The following AIG1 variants were observed in gnomAD, a reference collection of about 807,000 sequenced individuals.
The protein encoded by AIG1 is androgen induced 1.
In AIG1, 23 loss-of-function variants were observed where a neutral mutation model predicts 31.4. The observed-to-expected ratio is 0.73, with a 90% CI of 0.53 to 1.04. The LOEUF is 1.04. Among genes scored for constraint, AIG1 ranks in the 50% least tolerant of loss-of-function variants. The probability of loss-of-function intolerance (pLI) is 0.00; values close to 1 mark genes in which losing one functional copy is unlikely to be tolerated. For synonymous variants in AIG1, 100 were observed against 110.5 expected, an observed-to-expected ratio of 0.90 and a Z score of 0.60; for missense variants, 274 against 295.0, an observed-to-expected ratio of 0.93 and a Z score of 0.52.
At chr6:143,113,835 C>T (rs529090880) in intron 1 of AIG1, among the ~76,000 whole-genome samples, 10 of 151,566 alleles carry the variant, frequency 6.6e-5, no homozygotes, top group South Asian at 2.1e-4. Context: ...AGTGCAGTGG[C>T]GTGATCTCGG....
At chr6:143,332,573 TG>T (rs1431031941) in intron 4 of AIG1, among the ~76,000 whole-genome samples, 1 of 152,224 alleles carries the variant, frequency 6.6e-6, no homozygotes, top group Non-Finnish European at 1.5e-5. Flanking sequence ...TGCTAGGGTA[TG>T]CATGGTTGTG....
chr6:143,085,085 A>G (rs1778640734), intron 1 of AIG1, among the ~76,000 whole-genome samples: 1 of 152,196 alleles, frequency 6.6e-6, no homozygotes, highest in Admixed American at 6.5e-5. Flanking sequence ...TAACCCTTGT[A>G]AAACATCAAT....
chr6:143,291,711 T>C lies in AIG1; in HGVS notation c.515+7486T>C, dbSNP rs577912204. 3.9e-5 allele frequency among the ~76,000 whole-genome samples: 6 copies of C among 152,090 alleles called. No homozygotes were observed. The highest frequency in any genetic ancestry group is 8.8e-5 in the Non-Finnish European group (6 of 68,020). Reference sequence around the variant, plus strand: ...CATGGAATAAATAAGTAAACCCCCCTCCCATTCAGGGTTCCAGCAATAAGC... The same window carrying C: ...CATGGAATAAATAAGTAAACCCCCCCCCCATTCAGGGTTCCAGCAATAAGC... On this transcript the variant is annotated intron_variant, in intron 4 of 5. Transcript: ENST00000357847. This position sits in a 1 kb window ranked among gnomAD's most constrained non-coding sequence, Gnocchi z 4.2.
upstream of AIG1, chr6:143,060,600 G>C (rs557886662): frequency 2.2e-6 from 1 of 447,054 alleles, no homozygotes; most frequent in Non-Finnish European, 4.7e-6. Context: ...CCTAGGGGGC[G>C]CCTCCTGGCC....
intron 3 of AIG1, among the ~76,000 whole-genome samples, chr6:143,272,257 A>G (rs756519148): frequency 2.8e-4 from 43 of 152,214 alleles, no homozygotes; most frequent in Admixed American, 7.2e-4. Flanking sequence ...TAGTCAGAAT[A>G]GGCTAACTTA....
At chr6:143,102,519 T>A (rs6906306) in intron 1 of AIG1, among the ~76,000 whole-genome samples, 3 of 147,130 alleles carry the variant, frequency 2.0e-5, no homozygotes, top group South Asian at 4.2e-4. Flanking sequence ...TAATATATAA[T>A]ATAATATGTA....
chr6:143,155,470 A>G (rs1366180252), intron 2 of AIG1, among the ~76,000 whole-genome samples: 1 of 152,054 alleles, frequency 6.6e-6, no homozygotes, highest in Non-Finnish European at 1.5e-5. Context: ...GGAAGGGAGC[A>G]ACATTGATGG....
rs1484594201 is a variant in AIG1 at position 143,287,656 on chromosome 6, G to C, written c.515+3431G>C. Among the ~76,000 whole-genome samples, 10 of 142,164 alleles carry C rather than the reference G, an allele frequency of 7.0e-5. No individual in the cohort carries two copies. In the East Asian group the frequency reaches 2.1e-3, roughly 30 times the overall value. 93.3% of individuals were successfully genotyped at this position (142,164 alleles called of 152,430 possible). ...CTTTAGCTTAATCAGAAGTAAAACA[G>C]AGAGGAGGACAGAATGTACCCCATA... is the stretch of plus-strand genomic sequence containing the variant. On this transcript the variant is annotated intron_variant, in intron 4 of 5. Coordinates refer to ENST00000357847, the MANE Select transcript of AIG1 (RefSeq NM_016108.4).
At chr6:143,209,326 G>C (rs12204939) in intron 3 of AIG1, among the ~76,000 whole-genome samples, 4,851 of 152,270 alleles carry the variant, frequency 0.032, 123 homozygotes, top group Non-Finnish European at 0.05. Context: ...CTAATCCCCG[G>C]AACTTGTGAA....
intron 4 of AIG1, among the ~76,000 whole-genome samples, chr6:143,294,495 T>C (rs978671555): frequency 6.6e-6 from 1 of 152,220 alleles, no homozygotes; most frequent in Non-Finnish European, 1.5e-5. Flanking sequence ...GCCTTGGTTT[T>C]CTCATCTGTA....
rs1432333119 is a variant in AIG1, at chr6:143,136,843, G to C, written c.150G>C (p.Gln50His). Reference protein sequence around the residue: ...KFLTFIDLVIQAVFFGICVLT... With the variant: ...KFLTFIDLVIHAVFFGICVLT... ...CTGTTGTCCCCCTACAGGTTATCCAGGCTGTCTTTTTTGGCATCTGTGTGC... is the reference window on the plus strand; with the variant it reads ...CTGTTGTCCCCCTACAGGTTATCCACGCTGTCTTTTTTGGCATCTGTGTGC... Residue 50 changes from glutamine to histidine, a missense_variant, in exon 2 of 6, where the codon CAG (glutamine) becomes CAC (histidine). This residue lies in a region of AIG1 where 243 missense variants were observed against 238.5 expected (regional missense o/e 1.02). Coordinates refer to ENST00000357847, the MANE Select transcript of AIG1 (RefSeq NM_016108.4). 1.4e-6 allele frequency: 2 copies of C among 1,430,102 alleles called. No homozygotes were observed. The allele number at this position is 1,430,102 out of a possible 1,614,324, so 88.6% of individuals were successfully genotyped here.
At chr6:143,108,987 G>A (rs897641627) in intron 1 of AIG1, among the ~76,000 whole-genome samples, 3 of 152,226 alleles carry the variant, frequency 2.0e-5, no homozygotes, top group South Asian at 4.1e-4. Context: ...CGTGTCATTA[G>A]CCCCTTAAAG....
At position 143,279,668 on chromosome 6, in the gene AIG1, A is replaced by T. The variant is rs1400537626; in HGVS notation, c.400-4442A>T. On this transcript the variant is annotated intron_variant, in intron 3 of 5. Transcript: ENST00000357847. The surrounding 1 kb of genome is among the most constrained non-coding windows in gnomAD (Gnocchi z 5.4). The stretch of plus-strand genomic sequence containing the variant: ...CAGTTCACAGCCTCCATGGCAGTGG[A>T]GTCAGTTCACTCCGCTCCATCACGG... 6.6e-6 allele frequency among the ~76,000 whole-genome samples: 1 copy of T among 152,132 alleles called. No individual in the cohort carries two copies. The highest frequency in any genetic ancestry group is 1.5e-5 in the Non-Finnish European group (1 of 68,020).
At chr6:143,335,364 T>C in intron 5 of AIG1, 1 of 236,968 alleles carries the variant, frequency 4.2e-6, no homozygotes, top group Non-Finnish European at 8.1e-6. Context: ...AAATCCCATC[T>C]CTACTAAAAA....
intron 2 of AIG1, among the ~76,000 whole-genome samples, chr6:143,150,286 G>A (rs1583332043): frequency 6.6e-6 from 1 of 152,180 alleles, no homozygotes; most frequent in East Asian, 1.9e-4. Context: ...TCTATATTTT[G>A]GTGTAAGAAA....
At chr6:143,102,833 A>G (rs901307947) in intron 1 of AIG1, among the ~76,000 whole-genome samples, 4 of 152,104 alleles carry the variant, frequency 2.6e-5, no homozygotes, top group African/African-American at 9.7e-5. Flanking sequence ...CCAAATAGTC[A>G]TGTATTTCCA....
At chr6:143,241,821 C>T (rs1158819342) in intron 3 of AIG1, among the ~76,000 whole-genome samples, 1 of 152,184 alleles carries the variant, frequency 6.6e-6, no homozygotes, top group African/African-American at 2.4e-5. Flanking sequence ...GAAAACTTCA[C>T]ATGGAGATAC....
chr6:143,205,307 A>G (rs541735044), intron 3 of AIG1, among the ~76,000 whole-genome samples: 4 of 152,298 alleles, frequency 2.6e-5, no homozygotes, highest in African/African-American at 7.2e-5. Flanking sequence ...TGGAGGAAAA[A>G]CAGAGCTGTA....
intron 3 of AIG1, among the ~76,000 whole-genome samples, chr6:143,171,846 T>A (rs1787673933): frequency 6.6e-6 from 1 of 151,952 alleles, no homozygotes; most frequent in African/African-American, 2.4e-5. Context: ...ACATCTATTA[T>A]TATTTGATTT....
Sources: allele counts gnomAD v4.1 joint callset (sites outside exome capture counted in the v4.1 genomes callset), GRCh38; gene constraint gnomAD v4.1.1; regional missense constraint gnomAD v4.1.1; non-coding constraint Gnocchi (gnomAD v3.1); transcripts MANE v1.5; gene names NCBI Gene and HGNC (gene_info 2026-07-23, HGNC 2026-07-21).